The following DISP1 variants were observed in gnomAD, a reference collection of about 807,000 sequenced individuals.
The protein encoded by DISP1 is protein dispatched homolog 1.
A neutral mutation model predicts 37.3 loss-of-function variants in DISP1; 30 were observed. The ratio of observed to expected loss-of-function variants is 0.80; its 90% confidence interval spans 0.60 to 1.09. The LOEUF (loss-of-function observed/expected upper bound fraction) is 1.09, where lower values mean the gene tolerates loss of function less well. Ranked by LOEUF, DISP1 falls within the 50% of genes least tolerant of loss-of-function variation. The pLI, the probability that DISP1 is intolerant of heterozygous loss-of-function variation, is 0.00. For synonymous variants in DISP1, 634 were observed against 690.2 expected (o/e 0.92, Z 1.28); for missense variants, 1,598 against 1,879.5 (o/e 0.85, Z 2.77).
chr1:222,936,669 G>T (rs866744677), intron 2 of DISP1, among the ~76,000 whole-genome samples: 1 of 67,762 alleles, frequency 1.5e-5, no homozygotes, highest in African/African-American at 6.4e-5. Flanking sequence ...TATATATGAG[G>T]TATATATAAT....
intron 1 of DISP1, among the ~76,000 whole-genome samples, chr1:222,911,735 T>G (rs917251475): frequency 2.0e-5 from 3 of 152,158 alleles, no homozygotes; most frequent in African/African-American, 7.2e-5. Flanking sequence ...TCTTGCTATG[T>G]TGCCAAGGCT....
intron 8 of DISP1, among the ~76,000 whole-genome samples, chr1:222,997,085 A>G (rs962146764): frequency 7.9e-5 from 12 of 151,776 alleles, no homozygotes; most frequent in Non-Finnish European, 2.9e-5. Flanking sequence ...CTACCTCAAC[A>G]TGATTTATAT....
chr1:222,832,820 C>T (rs1027831461), intron 1 of DISP1, among the ~76,000 whole-genome samples: 11 of 151,962 alleles, frequency 7.2e-5, no homozygotes, highest in Middle Eastern at 3.2e-3. Flanking sequence ...CACTTGAACC[C>T]GGGAGGTGGA....
At position 222,964,165 on chromosome 1, in the gene DISP1, G is replaced by T. The variant is rs568282274; in HGVS notation, c.510-18915G>T. Reference sequence around the variant, plus strand: ...AATACAAAAATTAGCCGGGCATGGTGGTGGGCACCTGTAGTTCCAGCTACT... The same window carrying T: ...AATACAAAAATTAGCCGGGCATGGTTGTGGGCACCTGTAGTTCCAGCTACT... On this transcript the variant is annotated intron_variant, in intron 3 of 8. Coordinates refer to ENST00000675850, the MANE Select transcript of DISP1 (RefSeq NM_001377229.1). Among the ~76,000 whole-genome samples, 6 of 152,118 alleles carry T rather than the reference G, an allele frequency of 3.9e-5. No individual in the cohort carries two copies. In the South Asian group the frequency reaches 1.2e-3, roughly 32 times the overall value.
intron 1 of DISP1, among the ~76,000 whole-genome samples, chr1:222,888,609 T>C (rs1670773636): frequency 6.6e-6 from 1 of 152,136 alleles, no homozygotes; most frequent in Non-Finnish European, 1.5e-5. Flanking sequence ...ATGTAGTGCG[T>C]TTATCAGAAT....
At chr1:223,001,798 G>T (rs1679472301) in intron 8 of DISP1, among the ~76,000 whole-genome samples, 1 of 152,148 alleles carries the variant, frequency 6.6e-6, no homozygotes, top group Admixed American at 6.5e-5. Context: ...ACACACTGGG[G>T]ATTAGGTTTC....
chr1:222,904,221 C>T (rs1471212279), intron 1 of DISP1, among the ~76,000 whole-genome samples: 1 of 152,102 alleles, frequency 6.6e-6, no homozygotes, highest in African/African-American at 2.4e-5. Context: ...TTTTACATTT[C>T]CAAAATTAAA....
At chr1:223,001,468 C>T (rs1679437821) in intron 8 of DISP1, among the ~76,000 whole-genome samples, 1 of 152,202 alleles carries the variant, frequency 6.6e-6, no homozygotes, top group South Asian at 2.1e-4. Flanking sequence ...CTTTATGCTT[C>T]TTGACATCAG....
At chr1:222,966,304 T>G (rs925031233) in intron 3 of DISP1, among the ~76,000 whole-genome samples, 4 of 152,110 alleles carry the variant, frequency 2.6e-5, no homozygotes, top group African/African-American at 9.7e-5. Context: ...AATAACATAA[T>G]GACAAATAAC....
chr1:222,881,980 TAAG>T (rs1374748479), intron 1 of DISP1, among the ~76,000 whole-genome samples: 3 of 152,194 alleles, frequency 2.0e-5, no homozygotes, highest in Admixed American at 1.3e-4. Flanking sequence ...AAAAGGCAGT[TAAG>T]AAGACTGGAC....
chr1:222,866,652 G>A (rs1669209778), intron 1 of DISP1, among the ~76,000 whole-genome samples: 1 of 151,992 alleles, frequency 6.6e-6, no homozygotes, highest in African/African-American at 2.4e-5. Context: ...TCCTGGGATA[G>A]TTTTATATTT....
intron 3 of DISP1, among the ~76,000 whole-genome samples, chr1:222,979,371 C>T (rs1235106665): frequency 6.6e-6 from 1 of 151,976 alleles, no homozygotes; most frequent in East Asian, 1.9e-4. Flanking sequence ...TGGCCCACTG[C>T]ACTCCAGCCT....
At chr1:222,836,826 C>A in intron 1 of DISP1, 1 of 330,632 alleles carries the variant, frequency 3.0e-6, no homozygotes, top group Non-Finnish European at 5.4e-6. Flanking sequence ...AGTATTGGAT[C>A]CAGAGACAGA....
At chr1:222,938,233 T>G (rs1674114971) in intron 2 of DISP1, among the ~76,000 whole-genome samples, 1 of 152,132 alleles carries the variant, frequency 6.6e-6, no homozygotes, top group Non-Finnish European at 1.5e-5. Context: ...TTTTAAACTT[T>G]CACTATAAAT....
At chr1:222,936,558 A>G (rs1227438523) in intron 2 of DISP1, among the ~76,000 whole-genome samples, 2 of 135,120 alleles carry the variant, frequency 1.5e-5, no homozygotes, top group Non-Finnish European at 3.1e-5. Flanking sequence ...TATATATATG[A>G]GATTTATATA....
chr1:222,854,363 G>A (rs1366592472), intron 1 of DISP1, among the ~76,000 whole-genome samples: 2 of 152,128 alleles, frequency 1.3e-5, no homozygotes. Context: ...TTCAAAGGGT[G>A]GCAGGAGGGA....
At chr1:222,959,950 C>T (rs1675926672) in intron 3 of DISP1, among the ~76,000 whole-genome samples, 1 of 152,034 alleles carries the variant, frequency 6.6e-6, no homozygotes, top group Admixed American at 6.6e-5. Context: ...TATATATGCA[C>T]CCAATAAAGG....
rs367718792 is a variant in DISP1 at position 222,917,452 on chromosome 1, C to A, written c.-158-10978C>A. Among the ~76,000 whole-genome samples the A allele has an allele frequency of 1.2e-4, 18 of 152,188 alleles. No homozygotes were observed. In the Middle Eastern group the frequency reaches 0.014, roughly 115 times the overall value. On this transcript the variant is annotated intron_variant, in intron 1 of 8. Transcript: ENST00000675850. Reference sequence around the variant, plus strand: ...AGACTGACCAGACGAACAAGAAACCCCTTTACAAGTCTGCCAGCAGCAATA... The same window carrying A: ...AGACTGACCAGACGAACAAGAAACCACTTTACAAGTCTGCCAGCAGCAATA...
chr1:222,996,354 A>G (rs1679072147), intron 8 of DISP1, among the ~76,000 whole-genome samples: 2 of 152,196 alleles, frequency 1.3e-5, no homozygotes, highest in Admixed American at 6.5e-5. Context: ...CTTGTACATC[A>G]CTCACAGTGG....
Sources: allele counts gnomAD v4.1 joint callset (sites outside exome capture counted in the v4.1 genomes callset), GRCh38; gene constraint gnomAD v4.1.1; transcripts MANE v1.5; gene names NCBI Gene and HGNC (gene_info 2026-07-23, HGNC 2026-07-21).